Variants in KCNK2 observed in about 807,000 individuals in gnomAD.
KCNK2 encodes potassium channel subfamily K member 2.
KCNK2 carries 21 observed loss-of-function variants against 40.5 expected under a neutral mutation model. That is an observed-to-expected ratio of 0.52 (90% CI 0.37 to 0.75). The LOEUF is 0.75. KCNK2 is among the 30% of genes least tolerant of loss of function. The pLI is 0.00. For synonymous variants in KCNK2, 191 were observed against 202.2 expected (o/e 0.94, Z 0.47); for missense variants, 399 against 531.6 (o/e 0.75, Z 2.45).
At chr1:215,136,401 A>G (rs1420461299) in intron 3 of KCNK2, among the ~76,000 whole-genome samples, 2 of 152,140 alleles carry the variant, frequency 1.3e-5, no homozygotes, top group Non-Finnish European at 2.9e-5. Flanking sequence ...CCTGGCCTCA[A>G]AATAGCATAT....
intron 1 of KCNK2, among the ~76,000 whole-genome samples, chr1:215,036,096 CTT>C (rs1375919586): frequency 1.3e-5 from 2 of 149,042 alleles, no homozygotes; most frequent in African/African-American, 4.9e-5. Flanking sequence ...GTAAAAAAAT[CTT>C]TGCCTACTTC....
chr1:215,008,061 C>CA (rs1656246963), intron 1 of KCNK2, among the ~76,000 whole-genome samples: 1 of 150,226 alleles, frequency 6.7e-6, no homozygotes, highest in Non-Finnish European at 1.5e-5. Flanking sequence ...ATTTATTATG[C>CA]AAAATTCTGG....
chr1:215,184,396 T>C (rs1377407766), intron 5 of KCNK2, among the ~76,000 whole-genome samples: 2 of 152,184 alleles, frequency 1.3e-5, no homozygotes, highest in East Asian at 3.8e-4. Context: ...CTGTGGAATA[T>C]ATAGGTATTA....
intron 6 of KCNK2, among the ~76,000 whole-genome samples, chr1:215,234,269 C>T (rs1028043205): frequency 2.0e-5 from 3 of 152,098 alleles, no homozygotes; most frequent in Non-Finnish European, 4.4e-5. Flanking sequence ...CCTAAATGAC[C>T]AGTATGAGGT....
chr1:215,221,606 C>T (rs1666180289), intron 6 of KCNK2, among the ~76,000 whole-genome samples: 1 of 151,904 alleles, frequency 6.6e-6, no homozygotes. Context: ...CGGCCTTCAT[C>T]CTTATTTTCT....
At chr1:215,069,535 G>A (rs944734360) in intron 1 of KCNK2, among the ~76,000 whole-genome samples, 3 of 152,094 alleles carry the variant, frequency 2.0e-5, no homozygotes, top group Non-Finnish European at 4.4e-5. Flanking sequence ...TCTTTCCATG[G>A]TTCAGTGCTG....
chr1:215,190,735 C>G (rs1335408026), intron 5 of KCNK2, among the ~76,000 whole-genome samples: 2 of 152,078 alleles, frequency 1.3e-5, no homozygotes, highest in African/African-American at 4.8e-5. Context: ...AGTTCTATGG[C>G]CGCATGGTCT....
chr1:215,148,241 G>A (rs1314822606), intron 3 of KCNK2, among the ~76,000 whole-genome samples: 2 of 150,774 alleles, frequency 1.3e-5, no homozygotes, highest in African/African-American at 4.9e-5. Flanking sequence ...CACCACACCT[G>A]GCTAATTTTT....
intron 1 of KCNK2, among the ~76,000 whole-genome samples, chr1:215,039,889 T>C (rs1473167074): frequency 2.0e-5 from 3 of 152,120 alleles, no homozygotes; most frequent in Non-Finnish European, 4.4e-5. Flanking sequence ...TTTCCTATCG[T>C]TGTTTGTTGC....
intron 1 of KCNK2, among the ~76,000 whole-genome samples, chr1:215,046,606 A>G (rs1462436794): frequency 1.3e-5 from 2 of 152,110 alleles, no homozygotes; most frequent in Admixed American, 1.3e-4. Context: ...GATTATCACC[A>G]TATTCATAGG....
chr1:215,039,170 T>A (rs1274615899), intron 1 of KCNK2, among the ~76,000 whole-genome samples: 2 of 152,110 alleles, frequency 1.3e-5, no homozygotes, highest in African/African-American at 2.4e-5. Flanking sequence ...AATTTGTAAG[T>A]CTTGCCCATA....
intron 5 of KCNK2, among the ~76,000 whole-genome samples, chr1:215,173,177 T>G (rs1663798268): frequency 6.6e-6 from 1 of 152,116 alleles, no homozygotes; most frequent in African/African-American, 2.4e-5. Flanking sequence ...TGTCCAGGTT[T>G]TCTCATTGTT....
At chr1:215,080,272 C>A (rs1659100919), upstream of KCNK2, among the ~76,000 whole-genome samples, 1 of 152,122 alleles carries the variant, frequency 6.6e-6, no homozygotes, top group Non-Finnish European at 1.5e-5. Flanking sequence ...AGGACTAGTG[C>A]TGGGCAAGAT....
chr1:215,125,766 ATATATATATAT>A (rs1661400483), intron 3 of KCNK2, among the ~76,000 whole-genome samples: 1 of 103,564 alleles, frequency 9.7e-6, no homozygotes, highest in East Asian at 3.1e-4. Context: ...ATATATATAT[ATATATATATAT>A]AAAATAAAAT....
intron 2 of KCNK2, among the ~76,000 whole-genome samples, 197 bp downstream of exon 2, chr1:215,086,875 C>T (rs190412563): frequency 6.6e-6 from 1 of 152,308 alleles, no homozygotes; most frequent in Admixed American, 6.5e-5. Flanking sequence ...TCACTTCTGC[C>T]ACTTTTTCTT....
intron 2 of KCNK2, among the ~76,000 whole-genome samples, chr1:215,099,945 G>T (rs918328281): frequency 6.6e-6 from 1 of 151,902 alleles, no homozygotes; most frequent in Non-Finnish European, 1.5e-5. Context: ...TGCAATAAAG[G>T]GTGATTTGAA....
chr1:215,109,603 C>G (rs1304493277), intron 2 of KCNK2, among the ~76,000 whole-genome samples: 5 of 151,602 alleles, frequency 3.3e-5, no homozygotes, highest in Admixed American at 2.0e-4. Flanking sequence ...TGTGTCACAC[C>G]TCTTTATTCA....
At chr1:215,118,699 TTA>T (rs759609358) in intron 2 of KCNK2, among the ~76,000 whole-genome samples, 6 of 152,012 alleles carry the variant, frequency 3.9e-5, no homozygotes, top group Non-Finnish European at 7.4e-5. Context: ...TTATTGGAAA[TTA>T]TGTCGTTTTT....
intron 1 of KCNK2, among the ~76,000 whole-genome samples, chr1:215,042,555 C>T: frequency 6.6e-6 from 1 of 152,156 alleles, no homozygotes; most frequent in East Asian, 1.9e-4. Flanking sequence ...AAAGGAAGCA[C>T]TGAATTAATT....
Sources: gnomAD v4.1 joint callset for allele counts (sites outside exome capture counted in the v4.1 genomes callset) on GRCh38, gnomAD v4.1.1 for gene constraint, MANE v1.5 for transcripts, NCBI Gene and HGNC (gene_info 2026-07-23, HGNC 2026-07-21) for gene names.